Variants in TPP2 observed in about 807,000 individuals in gnomAD.
TPP2 encodes tripeptidyl peptidase 2.
A neutral mutation model predicts 155.9 loss-of-function variants in TPP2; 34 were observed. The observed-to-expected ratio is 0.22, with a 90% CI of 0.17 to 0.29. TPP2 has a LOEUF of 0.29. Among genes scored for constraint, TPP2 ranks in the 10% least tolerant of loss-of-function variants. TPP2 has a pLI of 1.00. For synonymous variants in TPP2, 510 were observed against 529.4 expected (o/e 0.96, Z 0.50); for missense variants, 1,028 against 1,522.3 (o/e 0.68, Z 5.40).
rs539406402 is a variant in TPP2 at position 102,616,488 on chromosome 13, C to T, written c.483C>T (p.Asn161=). The T allele has an allele frequency of 1.4e-4, 220 of 1,610,068 alleles. 2 individuals are homozygous for T. In the South Asian group the frequency reaches 1.9e-3, roughly 14 times the overall value. Residue 161 remains asparagine (N), a synonymous_variant, in exon 4 of 30, where the codon AAC becomes AAT. Coordinates refer to ENST00000376052, the MANE Select transcript of TPP2 (RefSeq NM_001330588.2). ...RKQEEFDVAN[N]GSSQANKLIK... Reference sequence around the variant, plus strand: ...AGGAAGAATTTGATGTTGCCAACAACGGCTCTTCTCAAGTTGGTGCTAGTC... The same window carrying T: ...AGGAAGAATTTGATGTTGCCAACAATGGCTCTTCTCAAGTTGGTGCTAGTC...
intron 27 of TPP2, among the ~76,000 whole-genome samples, chr13:102,672,732 AGAG>A (rs1330738301): frequency 2.6e-5 from 4 of 152,320 alleles, no homozygotes; most frequent in African/African-American, 9.6e-5. Context: ...CTGGCATCTA[AGAG>A]GAGGGGGAAG....
At chr13:102,652,429 T>C (rs1411746089) in intron 24 of TPP2, among the ~76,000 whole-genome samples, 18 of 15,700 alleles carry the variant, frequency 1.1e-3, no homozygotes, top group South Asian at 5.6e-3. Flanking sequence ...TATATATATA[T>C]ATATATATAT....
intron 2 of TPP2, among the ~76,000 whole-genome samples, chr13:102,612,528 G>C (rs1880398581): frequency 6.6e-6 from 1 of 152,120 alleles, no homozygotes; most frequent in Admixed American, 6.5e-5. Context: ...AAATAACTTT[G>C]TTTATGTAGA....
At chr13:102,638,195 A>G (rs772297502) in intron 14 of TPP2, 44 bp from the exon 15 acceptor site, 3 of 1,563,788 alleles carry the variant, frequency 1.9e-6, no homozygotes, top group Non-Finnish European at 2.6e-6. Flanking sequence ...GCTCTTTTAA[A>G]CATTTGTTTA....
chr13:102,653,998 A>G (rs1407597878), intron 24 of TPP2, among the ~76,000 whole-genome samples: 1 of 152,188 alleles, frequency 6.6e-6, no homozygotes, highest in Non-Finnish European at 1.5e-5. Context: ...TATATACTGT[A>G]GAGAAATCTT....
intron 13 of TPP2, 40 bp downstream of exon 13, chr13:102,636,432 T>G (rs1183195526): frequency 6.3e-7 from 1 of 1,583,700 alleles, no homozygotes; most frequent in Non-Finnish European, 8.6e-7. Flanking sequence ...TATTCACATT[T>G]GCTGTTTGAA....
chr13:102,597,005 A>C lies in TPP2; in HGVS notation c.-34A>C, dbSNP rs1472726836. On this transcript the variant is annotated 5_prime_UTR_variant, in exon 1 of 30. Coordinates refer to ENST00000376052, the MANE Select transcript of TPP2 (RefSeq NM_001330588.2). ...GCTGCTAGTCCGCGCGCAGCCTGGC[A>C]GTTTGCCGCTTCCTCGTCCTCCATC... is the stretch of plus-strand genomic sequence containing the variant. 6.2e-7 allele frequency: 1 copy of C among 1,604,390 alleles called. No individual in the cohort carries two copies. The highest frequency in any genetic ancestry group is 1.1e-5 in the South Asian group (1 of 90,724).
intron 2 of TPP2, among the ~76,000 whole-genome samples, chr13:102,610,359 G>A (rs75739386): frequency 5.9e-5 from 9 of 152,038 alleles, no homozygotes; most frequent in African/African-American, 1.4e-4. Context: ...CTCCCAAGTC[G>A]CTGGGATTAT....
chr13:102,643,162 C>G (rs1595179991), intron 16 of TPP2, 60 bp from the exon 17 acceptor site: 1 of 1,481,060 alleles, frequency 6.8e-7, no homozygotes, highest in Admixed American at 2.6e-5. Context: ...ATTAAAGCCA[C>G]TTTATGTCAA....
intron 3 of TPP2, 78 bp from the exon 4 acceptor site, chr13:102,616,318 G>C: frequency 8.5e-7 from 1 of 1,174,892 alleles, no homozygotes; most frequent in Non-Finnish European, 1.2e-6. Context: ...TACCAACAAA[G>C]TCCACATATA....
chr13:102,675,641 A>G (rs1180271922), intron 28 of TPP2, among the ~76,000 whole-genome samples: 1 of 152,238 alleles, frequency 6.6e-6, no homozygotes, highest in African/African-American at 2.4e-5. Context: ...TGATGAACAT[A>G]TAATAAAATT....
At chr13:102,639,544 C>G (rs1038561200) in intron 15 of TPP2, among the ~76,000 whole-genome samples, 37 of 152,162 alleles carry the variant, frequency 2.4e-4, no homozygotes, top group African/African-American at 8.7e-4. Context: ...CGTAACTCTT[C>G]TTGTCTATCT....
chr13:102,652,810 A>T (rs899490447), intron 24 of TPP2, among the ~76,000 whole-genome samples: 3 of 152,098 alleles, frequency 2.0e-5, no homozygotes, highest in East Asian at 1.9e-4. Flanking sequence ...GCATTTTTTT[A>T]AAATAGGAAA....
intron 29 of TPP2, among the ~76,000 whole-genome samples, chr13:102,677,442 A>G (rs1054568293): frequency 5.9e-5 from 9 of 152,106 alleles, no homozygotes; most frequent in Non-Finnish European, 1.5e-5. Flanking sequence ...TTGAATCTCC[A>G]TCACATTTGG....
At position 102,661,931 on chromosome 13, in the gene TPP2, C is replaced by G. The variant is rs528473565; in HGVS notation, c.3144-1717C>G. 2.6e-5 allele frequency among the ~76,000 whole-genome samples: 4 copies of G among 152,152 alleles called. 1 individual carries two copies. Among genetic ancestry groups the G allele is most frequent in the South Asian group, 4.1e-4 (2 of 4,828 alleles). On this transcript the variant is annotated intron_variant, in intron 25 of 29. Transcript: ENST00000376052. ...AGCAGTTCCACTCCCAGGTATATAC[C>G]CAAGAAAAATAAAAACCTATATTCA...
At chr13:102,663,220 T>C (rs1884366370) in intron 25 of TPP2, among the ~76,000 whole-genome samples, 1 of 152,198 alleles carries the variant, frequency 6.6e-6, no homozygotes, top group African/African-American at 2.4e-5. Flanking sequence ...TGATCTCGGC[T>C]CACTGCAACC....
intron 2 of TPP2, among the ~76,000 whole-genome samples, chr13:102,612,506 T>G (rs1044204760): frequency 1.3e-5 from 2 of 152,222 alleles, no homozygotes; most frequent in East Asian, 3.8e-4. Context: ...GTAAAGATTT[T>G]ATTCTTAGAA....
rs781493054 is a variant in TPP2, at chr13:102,597,018, C to A, written c.-21C>A. 1 of 1,608,986 alleles carries A rather than the reference C, an allele frequency of 6.2e-7. No individual in the cohort carries two copies. Reference sequence around the variant, plus strand: ...GCGCAGCCTGGCAGTTTGCCGCTTCCTCGTCCTCCATCCTGCGTCCATGGC... The same window carrying A: ...GCGCAGCCTGGCAGTTTGCCGCTTCATCGTCCTCCATCCTGCGTCCATGGC... On this transcript the variant is annotated 5_prime_UTR_variant, in exon 1 of 30. Coordinates refer to ENST00000376052, the MANE Select transcript of TPP2 (RefSeq NM_001330588.2).
intron 2 of TPP2, among the ~76,000 whole-genome samples, chr13:102,608,341 A>T (rs1425492243): frequency 6.6e-6 from 1 of 152,144 alleles, no homozygotes; most frequent in African/African-American, 2.4e-5. Context: ...TATGTGGAAG[A>T]AGAGAGTTTA....
Sources: allele counts gnomAD v4.1 joint callset (sites outside exome capture counted in the v4.1 genomes callset), GRCh38; gene constraint gnomAD v4.1.1; transcripts MANE v1.5; gene names NCBI Gene and HGNC (gene_info 2026-07-23, HGNC 2026-07-21).